MTHFD1: variants seen among roughly 807,000 people sequenced by gnomAD.
MTHFD1 encodes C-1-tetrahydrofolate synthase, cytoplasmic.
MTHFD1 carries 44 observed loss-of-function variants against 110.3 expected under a neutral mutation model. That is an observed-to-expected ratio of 0.40 (90% CI 0.31 to 0.51). The LOEUF is 0.51. Among genes scored for constraint, MTHFD1 ranks in the 20% least tolerant of loss-of-function variants. The pLI, the probability that MTHFD1 is intolerant of heterozygous loss-of-function variation, is 0.60. For synonymous variants in MTHFD1, 402 were observed against 428.8 expected, an observed-to-expected ratio of 0.94 and a Z score of 0.77; for missense variants, 909 against 1,173.1, an observed-to-expected ratio of 0.77 and a Z score of 3.29.
At position 64,415,755 on chromosome 14, in the gene MTHFD1, C is replaced by G. The variant is rs1416687919; in HGVS notation, c.478+16C>G. ...AAAGAGACAGGTAAAAACAACAAAC[C>G]AAACAACAAGAAAGCACCATTTCCT... On this transcript the variant is annotated intron_variant, in intron 6 of 27. Coordinates refer to ENST00000652337, the MANE Select transcript of MTHFD1 (RefSeq NM_005956.4). 2.3e-5 allele frequency: 37 copies of G among 1,612,242 alleles called. No homozygotes were observed. Among genetic ancestry groups the G allele is most frequent in the Non-Finnish European group, 3.1e-5 (37 of 1,178,600 alleles).
chr14:64,427,582 AC>A, intron 12 of MTHFD1, 109 bp downstream of exon 12: 1 of 1,085,074 alleles, frequency 9.2e-7, no homozygotes, highest in Non-Finnish European at 1.4e-6. Flanking sequence ...TCATTTCAAC[AC>A]CAGGAATGTC....
chr14:64,448,013 G>A (rs1210648812), intron 22 of MTHFD1: 2 of 605,074 alleles, frequency 3.3e-6, no homozygotes, highest in Non-Finnish European at 5.9e-6. Context: ...AGTGTCATAG[G>A]CTGGAGTGAA....
chr14:64,402,260 C>T (rs568299214), intron 2 of MTHFD1, among the ~76,000 whole-genome samples: 5 of 152,166 alleles, frequency 3.3e-5, no homozygotes, highest in Admixed American at 1.3e-4. Flanking sequence ...TAATAGTTCC[C>T]GGAATTATGC....
At chr14:64,410,560 G>A (rs1321529215) in intron 2 of MTHFD1, among the ~76,000 whole-genome samples, 1 of 152,126 alleles carries the variant, frequency 6.6e-6, no homozygotes, top group Non-Finnish European at 1.5e-5. Flanking sequence ...ATTGCCCTTT[G>A]TCTTGCCTGG....
chr14:64,420,620 A>G (rs1247978006), intron 8 of MTHFD1, among the ~76,000 whole-genome samples: 1 of 152,106 alleles, frequency 6.6e-6, no homozygotes, highest in African/African-American at 2.4e-5. Context: ...ATGGGCTGTG[A>G]TAACTTCCTT....
chr14:64,456,243 T>G (rs2078471785), intron 26 of MTHFD1, among the ~76,000 whole-genome samples: 1 of 152,210 alleles, frequency 6.6e-6, no homozygotes. Context: ...ACAAAGTATG[T>G]GTCAGAGGCT....
intron 1 of MTHFD1, 52 bp from the exon 2 acceptor site, chr14:64,400,741 T>A: frequency 8.9e-7 from 1 of 1,125,856 alleles, no homozygotes; most frequent in Non-Finnish European, 1.4e-6. Flanking sequence ...CTGCATCACT[T>A]ATTTGTGCTT....
chr14:64,452,831 AC>A (rs1221829931), intron 24 of MTHFD1, among the ~76,000 whole-genome samples: 23 of 152,176 alleles, frequency 1.5e-4, no homozygotes, highest in African/African-American at 5.5e-4. Flanking sequence ...GTTTGACAGG[AC>A]TGATCTCCAG....
chr14:64,409,079 T>G (rs1378795310), intron 2 of MTHFD1, among the ~76,000 whole-genome samples: 1 of 152,240 alleles, frequency 6.6e-6, no homozygotes, highest in African/African-American at 2.4e-5. Context: ...CTGGAACTGG[T>G]TGTAGTTTTA....
Position 64,426,064 on chromosome 14 carries a change from G to C in MTHFD1, c.999G>C (p.Lys333Asn), listed in dbSNP as rs2078116141. 2 of 1,613,832 alleles carry C rather than the reference G, an allele frequency of 1.2e-6. No individual in the cohort carries two copies. The highest frequency in any genetic ancestry group is 2.2e-5 in the East Asian group (1 of 44,880). The change falls in exon 11 of 28, where the codon AAG (lysine) becomes AAC (asparagine). Residue 333 changes from lysine (K) to asparagine (N), a missense_variant. Physicochemically the swap from Lys to Asn is moderately conservative, Grantham distance 94. Coordinates refer to ENST00000652337, the MANE Select transcript of MTHFD1 (RefSeq NM_005956.4). ...SRSCKPKPIG[K>N]LAREIGLLSE... ...CTTGTAAACCGAAGCCCATTGGTAA[G>C]CTGGCTCGAGAAATTGGTCTGCTGT...
At chr14:64,419,373 C>G (rs2078052016) in intron 7 of MTHFD1, 1 of 9,434 alleles carries the variant, frequency 1.1e-4, no homozygotes, top group African/African-American at 8.5e-4. Flanking sequence ...CAAGAATGCG[C>G]ACACACACAC....
chr14:64,459,559 T>C (rs1285307476), intron 27 of MTHFD1, among the ~76,000 whole-genome samples, 200 bp from the exon 28 acceptor site: 1 of 152,332 alleles, frequency 6.6e-6, no homozygotes, highest in African/African-American at 2.4e-5. Context: ...TCTTGAACAG[T>C]ATTCACACAG....
chr14:64,430,123 G>T, intron 12 of MTHFD1, 61 bp from the exon 13 acceptor site: 3 of 1,394,984 alleles, frequency 2.2e-6, no homozygotes, highest in South Asian at 2.3e-5. Flanking sequence ...GCATTTATTT[G>T]ATTTCTAAGT....
At chr14:64,390,802 C>A (rs1227096550) in intron 1 of MTHFD1, among the ~76,000 whole-genome samples, 2 of 152,118 alleles carry the variant, frequency 1.3e-5, no homozygotes, top group African/African-American at 4.8e-5. Context: ...GTGTGTGCCA[C>A]CCCGTCCGGC....
In MTHFD1 at chr14:64,411,109, C is replaced by T. The variant is rs370444838; in HGVS notation, c.146C>T (p.Ser49Phe). ...AILQVGNRDD[S>F]NLYINVKLKA... is the part of the protein sequence containing the mutation. Reference sequence around the variant, plus strand: ...TTCTAGGTTGGCAACAGAGATGATTCCAATCTTTATATAAATGTGAAGCTG... The same window carrying T: ...TTCTAGGTTGGCAACAGAGATGATTTCAATCTTTATATAAATGTGAAGCTG... Residue 49 changes from serine (S) to phenylalanine (F), a missense_variant, in exon 3 of 28, where the codon TCC (serine) becomes TTC (phenylalanine). Coordinates refer to ENST00000652337, the MANE Select transcript of MTHFD1 (RefSeq NM_005956.4). The T allele has an allele frequency of 1.9e-4, 312 of 1,612,804 alleles. No homozygotes were observed. The highest frequency in any genetic ancestry group is 2.5e-4 in the Non-Finnish European group (297 of 1,179,284).
chr14:64,430,280 G>T (rs201067588), intron 13 of MTHFD1, 50 bp downstream of exon 13: 30 of 1,547,956 alleles, frequency 1.9e-5, no homozygotes, highest in African/African-American at 5.4e-5. Context: ...TTTTTGTCGG[G>T]GGGGAGGGTG....
chr14:64,398,651 G>C (rs1435712742), intron 1 of MTHFD1, among the ~76,000 whole-genome samples: 1 of 152,214 alleles, frequency 6.6e-6, no homozygotes, highest in Admixed American at 6.5e-5. Flanking sequence ...TACTAGGCCA[G>C]TCCAAATAAT....
At chr14:64,394,945 C>G (rs1386905166) in intron 1 of MTHFD1, among the ~76,000 whole-genome samples, 1 of 152,164 alleles carries the variant, frequency 6.6e-6, no homozygotes, top group Non-Finnish European at 1.5e-5. Flanking sequence ...TGCAAGGGAC[C>G]TAGAGCTGTT....
At chr14:64,395,449 G>A (rs1041008762) in intron 1 of MTHFD1, among the ~76,000 whole-genome samples, 14 of 152,262 alleles carry the variant, frequency 9.2e-5, no homozygotes, top group Admixed American at 1.3e-4. Context: ...GGGGGAGGTG[G>A]GACCTCATTG....
Sources: gnomAD v4.1 joint callset for allele counts (sites outside exome capture counted in the v4.1 genomes callset) on GRCh38, gnomAD v4.1.1 for gene constraint, MANE v1.5 for transcripts, NCBI Gene and HGNC (gene_info 2026-07-23, HGNC 2026-07-21) for gene names.